ARHGEF19: variants seen among roughly 807,000 people sequenced by gnomAD.
ARHGEF19 encodes Rho guanine nucleotide exchange factor (GEF) 19.
Under a neutral mutation model 87.6 loss-of-function variants are expected in ARHGEF19, and 92 were observed. The ratio of observed to expected loss-of-function variants is 1.05; its 90% confidence interval spans 0.89 to 1.25. The LOEUF (loss-of-function observed/expected upper bound fraction) is 1.25, where lower values mean the gene tolerates loss of function less well. ARHGEF19 is among the 50% of genes most tolerant of loss of function. The probability of loss-of-function intolerance (pLI) is 0.00; values close to 1 mark genes in which losing one functional copy is unlikely to be tolerated. For missense variants in ARHGEF19, 1,054 were observed against 1,051.8 expected (o/e 1.00, Z -0.03); for synonymous variants, 438 against 446.2 (o/e 0.98, Z 0.23).
At position 16,208,918 on chromosome 1, in the gene ARHGEF19, A is replaced by G. The variant is rs983753403; in HGVS notation, c.137T>C (p.Val46Ala). The change falls in exon 2 of 16, where the codon GTG becomes GCG. Residue 46 changes from valine to alanine, a missense_variant. Val to Ala is a moderately conservative substitution (Grantham distance 64, BLOSUM62 0). Transcript: ENST00000270747. The part of the protein sequence containing the change: ...ELPALKPPSP[V>A]CLDLFPVAPE... ...GGCAACAGGGAAAAGGTCCAGACAC[A>G]CTGGGCTCGGGGGCTTCAGGGCGGG... 12 of 1,590,402 alleles carry G rather than the reference A, an allele frequency of 7.5e-6. No homozygotes were observed. The highest frequency in any genetic ancestry group is 3.4e-4 in the Middle Eastern group (2 of 5,936).
Position 16,208,020 on chromosome 1 carries a change from G to A in ARHGEF19, c.618C>T (p.His206=), listed in dbSNP as rs1236720485. 9 of 1,613,410 alleles carry A rather than the reference G, an allele frequency of 5.6e-6. No individual in the cohort carries two copies. The highest frequency in any genetic ancestry group is 1.3e-5 in the African/African-American group (1 of 74,932). ...AATTCCGCCCCAGGCGCAGAGAAGAGTGCAGCCGGGTCATCAGCTCCGATG... is the reference window on the plus strand; with the variant it reads ...AATTCCGCCCCAGGCGCAGAGAAGAATGCAGCCGGGTCATCAGCTCCGATG... The part of the protein sequence containing the change: ...FSASELMTRL[H]SSLRLGRNSA... The change falls in exon 3 of 16, where the codon CAC becomes CAT. Residue 206 remains histidine, a synonymous_variant. Transcript: ENST00000270747.
Position 16,205,715 on chromosome 1 carries a change from G to C in ARHGEF19, c.1452-48C>G. The stretch of plus-strand genomic sequence containing the variant: ...GAATCACAGGTAGGCCTGAATTCCT[G>C]GGATCCACAACCCTGGCCATCCACG... On this transcript the variant is annotated intron_variant, in intron 8 of 15. Coordinates refer to ENST00000270747, the MANE Select transcript of ARHGEF19 (RefSeq NM_153213.5). This position sits in a 1 kb window ranked among gnomAD's most constrained non-coding sequence, Gnocchi z 5.8. The C allele has an allele frequency of 6.4e-7, 1 of 1,562,014 alleles. No individual in the cohort carries two copies. Among genetic ancestry groups the C allele is most frequent in the Non-Finnish European group, 8.7e-7 (1 of 1,155,304 alleles).
rs2081142838 is a variant in ARHGEF19, at chr1:16,206,946, A to C, written c.1137+2T>G. The C allele has an allele frequency of 4.7e-6, 6 of 1,270,746 alleles. No homozygotes were observed. Among genetic ancestry groups the C allele is most frequent in the Non-Finnish European group, 6.0e-6 (6 of 1,002,672 alleles). 78.7% of individuals were successfully genotyped at this position (1,270,746 alleles called of 1,614,324 possible). A position where few individuals can be genotyped will look rare whatever the true frequency, so the allele number is the denominator to read the frequency against. On this transcript the variant is annotated splice_donor_variant, in intron 6 of 15. Coordinates refer to ENST00000270747, the MANE Select transcript of ARHGEF19 (RefSeq NM_153213.5). LOFTEE classifies it high-confidence loss of function. The surrounding 1 kb of genome is among the most constrained non-coding windows in gnomAD (Gnocchi z 4.6). ...CCCCGCCGGGTCCCCGCGCGCGCCC[A>C]CCTCCTGCAGCTTGCAGTCCCGCAG...
chr1:16,206,969 C>T lies in ARHGEF19; in HGVS notation c.1116G>A (p.Leu372=), dbSNP rs901790836. The T allele has an allele frequency of 9.9e-6, 15 of 1,508,172 alleles. No individual in the cohort carries two copies. The African/African-American group carries it at 1.2e-4, about 12-fold the overall frequency. The allele number at this position is 1,508,172 out of a possible 1,614,324, so 93.4% of individuals were successfully genotyped here. Reference sequence around the variant, plus strand: ...CCACCTCCTGCAGCTTGCAGTCCCGCAGGCTCAGCGTGGCCAGGACGCCGC... The same window carrying T: ...CCACCTCCTGCAGCTTGCAGTCCCGTAGGCTCAGCGTGGCCAGGACGCCGC... ...RGSGVLATLS[L]RDCKLQEAKF... Residue 372 remains leucine, a synonymous_variant, in exon 6 of 16, where the codon CTG becomes CTA. Coordinates refer to ENST00000270747, the MANE Select transcript of ARHGEF19 (RefSeq NM_153213.5). The surrounding 1 kb of genome is among the most constrained non-coding windows in gnomAD (Gnocchi z 4.6).
chr1:16,202,347 CATCATGGGGACGGGGTGCCT>C (rs1333842185), intron 13 of ARHGEF19, 49 bp downstream of exon 13: 32 of 824,480 alleles, frequency 3.9e-5, no homozygotes, highest in South Asian at 1.0e-4. Context: ...ACGGGGTGCC[CATCATGGGGACGGGGTGCCT>C]GTCATGGGGA....
rs748672186 is a variant in ARHGEF19 at position 16,207,993 on chromosome 1, T to G, written c.645A>C (p.Ser215=). ...LHSSLRLGRN[S]AARALISGSG... ...ACCCAGAGATGAGTGCCCGGGCTGCTGAATTCCGCCCCAGGCGCAGAGAAG... is the reference window on the plus strand; with the variant it reads ...ACCCAGAGATGAGTGCCCGGGCTGCGGAATTCCGCCCCAGGCGCAGAGAAG... The change falls in exon 3 of 16, where the codon TCA becomes TCC. Residue 215 remains serine, a synonymous_variant. Transcript: ENST00000270747. The surrounding 1 kb of genome is among the most constrained non-coding windows in gnomAD (Gnocchi z 4.0). 6.2e-7 allele frequency: 1 copy of G among 1,612,236 alleles called. No homozygotes were observed. Among genetic ancestry groups the G allele is most frequent in the Non-Finnish European group, 8.5e-7 (1 of 1,179,698 alleles).
chr1:16,209,175 C>T, intron 1 of ARHGEF19, 92 bp from the exon 2 acceptor site: 1 of 834,880 alleles, frequency 1.2e-6, no homozygotes, highest in Non-Finnish European at 1.7e-6. Context: ...CCCCTGTGTA[C>T]ACTTGTGTAC....
rs750264972 is a variant in ARHGEF19, at chr1:16,204,895, G to T, written c.1771C>A (p.Arg591Ser). Residue 591 changes from arginine (R) to serine (S), a missense_variant, in exon 12 of 16, where the codon CGC becomes AGC. Transcript: ENST00000270747. ...GKIFPLISQA[R>S]WLVRHGELVE... ...AACTCTCCATGCCGAACCAGCCAGC[G>T]GGCCTGAGAGATCAGCGGGAAAATC... 1 of 1,603,114 alleles carries T rather than the reference G, an allele frequency of 6.2e-7. No homozygotes were observed. The highest frequency in any genetic ancestry group is 8.5e-7 in the Non-Finnish European group (1 of 1,174,660).
rs1277864262 is a variant in ARHGEF19 at position 16,198,304 on chromosome 1, G to A, written c.*283C>T. 3.3e-6 allele frequency: 1 copy of A among 302,396 alleles called. No homozygotes were observed. Among genetic ancestry groups the A allele is most frequent in the Admixed American group, 4.9e-5 (1 of 20,532 alleles). The allele number at this position is 302,396 out of a possible 1,614,324, so 18.7% of individuals were successfully genotyped here. Reference sequence around the variant, plus strand: ...CAGGCAGGATTGAGGACATAGAAAGGAGAGGGCCCCAGTCTTTGCCAGGTA... The same window carrying A: ...CAGGCAGGATTGAGGACATAGAAAGAAGAGGGCCCCAGTCTTTGCCAGGTA... On this transcript the variant is annotated 3_prime_UTR_variant, in exon 16 of 16. Coordinates refer to ENST00000270747, the MANE Select transcript of ARHGEF19 (RefSeq NM_153213.5). The surrounding 1 kb of genome is among the most constrained non-coding windows in gnomAD (Gnocchi z 4.1).
In ARHGEF19 at chr1:16,207,668, G is replaced by A; in HGVS notation, c.797+7C>T. 1.9e-6 allele frequency: 3 copies of A among 1,614,080 alleles called. No individual in the cohort carries two copies. The highest frequency in any genetic ancestry group is 1.7e-6 in the Non-Finnish European group (2 of 1,180,026). On this transcript the variant is annotated splice_region_variant and intron_variant, in intron 4 of 15. Transcript: ENST00000270747. This position sits in a 1 kb window ranked among gnomAD's most constrained non-coding sequence, Gnocchi z 4.0. ...TCTCGGACCCAAGCCCAAACGGGAG[G>A]TGGTACCTGGGCTCGGACCAATCGC...
intron 15 of ARHGEF19, 105 bp downstream of exon 15, chr1:16,199,045 G>A (rs2081062617): frequency 8.9e-7 from 1 of 1,120,160 alleles, no homozygotes. Context: ...ACATGCTGTG[G>A]CAGATCAACA....
chr1:16,207,843 A>T lies in ARHGEF19; in HGVS notation c.695-66T>A. ...GGGCCTGGGGCCTGGGCCCCGGCCCAGGCACCCTGACGGCCTCAGGCGGCC... is the reference window on the plus strand; with the variant it reads ...GGGCCTGGGGCCTGGGCCCCGGCCCTGGCACCCTGACGGCCTCAGGCGGCC... On this transcript the variant is annotated intron_variant, in intron 3 of 15. Coordinates refer to ENST00000270747, the MANE Select transcript of ARHGEF19 (RefSeq NM_153213.5). This position sits in a 1 kb window ranked among gnomAD's most constrained non-coding sequence, Gnocchi z 4.0. The T allele has an allele frequency of 1.3e-6, 2 of 1,587,624 alleles. No individual in the cohort carries two copies. Among genetic ancestry groups the T allele is most frequent in the Non-Finnish European group, 1.7e-6 (2 of 1,168,590 alleles).
In ARHGEF19 at chr1:16,198,707, C is replaced by T; in HGVS notation, c.2289G>A (p.Lys763=). The change falls in exon 16 of 16, where the codon AAG becomes AAA. Residue 763 remains lysine, a synonymous_variant. Transcript: ENST00000270747. The surrounding 1 kb of genome is among the most constrained non-coding windows in gnomAD (Gnocchi z 4.1). ...LEGVRLADGE[K]GWVPQAYVEE... is the part of the protein sequence containing the mutation. ...CCACATAGGCCTGGGGCACCCACCC[C>T]TTCTCACCATCTGCCAGGCGGACCC... 6.2e-7 allele frequency: 1 copy of T among 1,612,014 alleles called. No homozygotes were observed. Among genetic ancestry groups the T allele is most frequent in the Non-Finnish European group, 8.5e-7 (1 of 1,178,738 alleles).
Position 16,207,867 on chromosome 1 carries a change from C to T in ARHGEF19, c.694+77G>A. 1 of 1,584,804 alleles carries T rather than the reference C, an allele frequency of 6.3e-7. No homozygotes were observed. The stretch of plus-strand genomic sequence containing the variant: ...CAGGCACCCTGACGGCCTCAGGCGG[C>T]CGGTGAGTGGGCATCGCCCACCCCC... On this transcript the variant is annotated intron_variant, in intron 3 of 15. Coordinates refer to ENST00000270747, the MANE Select transcript of ARHGEF19 (RefSeq NM_153213.5). This position sits in a 1 kb window ranked among gnomAD's most constrained non-coding sequence, Gnocchi z 4.0.
At position 16,208,721 on chromosome 1, in the gene ARHGEF19, C is replaced by G; in HGVS notation, c.334G>C (p.Ala112Pro). The G allele has an allele frequency of 2.5e-6, 4 of 1,608,648 alleles. No individual in the cohort carries two copies. Among genetic ancestry groups the G allele is most frequent in the Non-Finnish European group, 3.4e-6 (4 of 1,178,298 alleles). ...CGGGGACTCCAGGGTCCCTCCAGAG[C>G]TGGGGGCTGGGCACCAGGACAGTGT... The part of the protein sequence containing the change: ...WPHCPGAQPP[A>P]LEGPWSPRHT... The change falls in exon 2 of 16, where the codon GCT (alanine) becomes CCT (proline). Residue 112 changes from alanine to proline, a missense_variant. Ala to Pro is a conservative substitution (Grantham distance 27, BLOSUM62 -1). Coordinates refer to ENST00000270747, the MANE Select transcript of ARHGEF19 (RefSeq NM_153213.5).
intron 1 of ARHGEF19, among the ~76,000 whole-genome samples, chr1:16,209,356 T>C (rs561360214): frequency 6.6e-6 from 1 of 152,214 alleles, no homozygotes; most frequent in Non-Finnish European, 1.5e-5. Flanking sequence ...GTGAGGAAAC[T>C]GAGGCACAGA....
At chr1:16,201,978 ACCC>A in intron 13 of ARHGEF19, 117 bp from the exon 14 acceptor site, 1 of 69,540 alleles carries the variant, frequency 1.4e-5, no homozygotes. Flanking sequence ...ACCCAGGCCT[ACCC>A]TAGGGACCCA....
chr1:16,209,035 G>T lies in ARHGEF19; in HGVS notation c.20C>A (p.Ala7Asp), dbSNP rs746489846. MDCGPP[A>D]TLQPHLTGPP... Reference sequence around the variant, plus strand: ...CCCAGTCAGGTGGGGCTGGAGGGTAGCAGGTGGCCCACAGTCCATTCCTCT... The same window carrying T: ...CCCAGTCAGGTGGGGCTGGAGGGTATCAGGTGGCCCACAGTCCATTCCTCT... Residue 7 changes from alanine (A) to aspartate (D), a missense_variant, in exon 2 of 16, where the codon GCT becomes GAT. Physicochemically the swap from Ala to Asp is moderately radical, Grantham distance 126. Coordinates refer to ENST00000270747, the MANE Select transcript of ARHGEF19 (RefSeq NM_153213.5). 1.3e-6 allele frequency: 2 copies of T among 1,494,288 alleles called. No individual in the cohort carries two copies. The highest frequency in any genetic ancestry group is 2.8e-5 in the South Asian group (2 of 70,818). 92.6% of individuals were successfully genotyped at this position (1,494,288 alleles called of 1,614,324 possible).
rs1487677460 is a variant in ARHGEF19, at chr1:16,205,223, C to T, written c.1657-47G>A. 6.3e-7 allele frequency: 1 copy of T among 1,591,756 alleles called. No individual in the cohort carries two copies. Among genetic ancestry groups the T allele is most frequent in the African/African-American group, 1.3e-5 (1 of 74,504 alleles). The stretch of plus-strand genomic sequence containing the variant: ...CACCTGCAGCCCCTCAGCTCCGGCT[C>T]CCAGAGCCCAGCCTCAGACTCTTGC... On this transcript the variant is annotated intron_variant, in intron 10 of 15. Transcript: ENST00000270747. This position sits in a 1 kb window ranked among gnomAD's most constrained non-coding sequence, Gnocchi z 5.8.
Sources: gnomAD v4.1 joint callset for allele counts (sites outside exome capture counted in the v4.1 genomes callset) on GRCh38, gnomAD v4.1.1 for gene constraint, Gnocchi (gnomAD v3.1) non-coding constraint, MANE v1.5 for transcripts, NCBI Gene and HGNC (gene_info 2026-07-23, HGNC 2026-07-21) for gene names.